ARNT: variants seen among roughly 807,000 people sequenced by gnomAD.
ARNT encodes class E basic helix-loop-helix protein 2.
ARNT carries 30 observed loss-of-function variants against 105.0 expected under a neutral mutation model. The observed-to-expected ratio is 0.29, with a 90% CI of 0.21 to 0.39. ARNT has a LOEUF of 0.39. Among genes scored for constraint, ARNT ranks in the 10% least tolerant of loss-of-function variants. The pLI, the probability that ARNT is intolerant of heterozygous loss-of-function variation, is 1.00. For missense variants in ARNT, 748 were observed against 978.7 expected, an observed-to-expected ratio of 0.76 and a Z score of 3.15; for synonymous variants, 304 against 344.0, an observed-to-expected ratio of 0.88 and a Z score of 1.29.
chr1:150,868,854 C>T (rs587712398), intron 1 of ARNT, among the ~76,000 whole-genome samples: 109 of 151,666 alleles, frequency 7.2e-4, no homozygotes, highest in African/African-American at 1.9e-3. Context: ...GCCGAGATCA[C>T]GCCACTGCAC....
chr1:150,838,200 T>C (rs1189723400), intron 6 of ARNT, among the ~76,000 whole-genome samples: 1 of 152,214 alleles, frequency 6.6e-6, no homozygotes, highest in East Asian at 1.9e-4. Flanking sequence ...ACCACTTGAC[T>C]TTCTTTGCAT....
chr1:150,837,207 A>C (rs1331654874), intron 6 of ARNT, among the ~76,000 whole-genome samples: 1 of 152,048 alleles, frequency 6.6e-6, no homozygotes, highest in African/African-American at 2.4e-5. Context: ...AGTTTTCTCA[A>C]TTCTAGATAA....
intron 1 of ARNT, among the ~76,000 whole-genome samples, chr1:150,874,403 G>C (rs1667942431): frequency 6.6e-6 from 1 of 152,204 alleles, no homozygotes; most frequent in African/African-American, 2.4e-5. Context: ...CATCAAAAAA[G>C]AAATCTGGTC....
intron 12 of ARNT, among the ~76,000 whole-genome samples, chr1:150,828,609 T>C (rs587662661): frequency 6.6e-6 from 1 of 152,302 alleles, no homozygotes; most frequent in East Asian, 1.9e-4. Flanking sequence ...TTCACCAACC[T>C]CTTTCACATA....
At chr1:150,828,129 C>T (rs587770058) in intron 12 of ARNT, among the ~76,000 whole-genome samples, 1 of 152,142 alleles carries the variant, frequency 6.6e-6, no homozygotes, top group African/African-American at 2.4e-5. Context: ...TTAAAGAGGG[C>T]AAATTTTAAT....
At chr1:150,869,458 C>T (rs963479759) in intron 1 of ARNT, among the ~76,000 whole-genome samples, 1 of 151,628 alleles carries the variant, frequency 6.6e-6, no homozygotes, top group Non-Finnish European at 1.5e-5. Context: ...GCCTGGGTGA[C>T]AGAAGGACAC....
chr1:150,848,291 A>C (rs189070523), intron 3 of ARNT, among the ~76,000 whole-genome samples: 51 of 152,250 alleles, frequency 3.3e-4, no homozygotes, highest in Admixed American at 1.1e-3. Context: ...CCTTGTCGCT[A>C]CTAAAAGTAC....
intron 11 of ARNT, chr1:150,829,486 TG>T: frequency 1.7e-6 from 1 of 588,620 alleles, no homozygotes; most frequent in Admixed American, 2.8e-5. Context: ...ATCCACATAC[TG>T]GCTATGCTGA....
At chr1:150,862,319 C>T (rs986626374) in intron 1 of ARNT, among the ~76,000 whole-genome samples, 5 of 152,030 alleles carry the variant, frequency 3.3e-5, no homozygotes, top group African/African-American at 1.2e-4. Context: ...ACTCTGATTG[C>T]CCATTACCTG....
chr1:150,828,353 T>G lies in ARNT; in HGVS notation c.1167+740A>C, dbSNP rs1188770749. Among the ~76,000 whole-genome samples, 10 of 13,368 alleles carry G rather than the reference T, an allele frequency of 7.5e-4. No homozygotes were observed. In the Non-Finnish European group the frequency reaches 8.8e-3, roughly 12 times the overall value. The allele number at this position is 13,368 out of a possible 152,430, so 8.8% of individuals were successfully genotyped here. On this transcript the variant is annotated intron_variant, in intron 12 of 21. Transcript: ENST00000358595. ...TTTTGGGTGTGGTTTTTTTTTTGTT[T>G]TTTTTTTTTTTTGCATACAGATATC...
chr1:150,847,655 C>T (rs1334695939), intron 3 of ARNT, among the ~76,000 whole-genome samples: 1 of 152,012 alleles, frequency 6.6e-6, no homozygotes, highest in Non-Finnish European at 1.5e-5. Flanking sequence ...TAGTGGTTAC[C>T]CTCATATCTT....
chr1:150,844,896 A>G (rs1321036050), intron 4 of ARNT, among the ~76,000 whole-genome samples: 3 of 148,224 alleles, frequency 2.0e-5, no homozygotes, highest in Non-Finnish European at 3.0e-5. Flanking sequence ...TGCAACCTCC[A>G]CCTCCCGGGC....
rs2101440260 is a variant in ARNT, at chr1:150,809,971, C to CA, written c.*2049dup. On this transcript the variant is annotated 3_prime_UTR_variant, in exon 22 of 22. Transcript: ENST00000358595. ...TTTCTGATTCCTGAAATTAAAGACA[C>CA]AATGTGCCTTATGTTTGTATGTCTG... 4.4e-6 allele frequency: 1 copy of CA among 225,622 alleles called. No homozygotes were observed. The highest frequency in any genetic ancestry group is 6.3e-5 in the East Asian group (1 of 15,924). 14.0% of individuals were successfully genotyped at this position (225,622 alleles called of 1,614,324 possible). A position where few individuals can be genotyped will look rare whatever the true frequency, so the allele number is the denominator to read the frequency against.
intron 1 of ARNT, among the ~76,000 whole-genome samples, chr1:150,876,047 T>A (rs897921781): frequency 6.6e-6 from 1 of 152,344 alleles, no homozygotes; most frequent in African/African-American, 2.4e-5. Context: ...TCAAAGAATG[T>A]CCATTTTTTA....
Position 150,810,440 on chromosome 1 carries a change from A to C in ARNT, c.*1581T>G, listed in dbSNP as rs978872522. The C allele has an allele frequency of 1.2e-4, 27 of 223,014 alleles. No homozygotes were observed. The highest frequency in any genetic ancestry group is 2.4e-4 in the Non-Finnish European group (27 of 111,392). The allele number at this position is 223,014 out of a possible 1,614,324, so 13.8% of individuals were successfully genotyped here. On this transcript the variant is annotated 3_prime_UTR_variant, in exon 22 of 22. Coordinates refer to ENST00000358595, the MANE Select transcript of ARNT (RefSeq NM_001668.4). ...ATACTGTAAGTGTGCACATAGAATA[A>C]AAAAATAAACTGTCTCCTTTTTTAC...
At chr1:150,875,415 G>GA (rs1402948738) in intron 1 of ARNT, among the ~76,000 whole-genome samples, 18 of 151,864 alleles carry the variant, frequency 1.2e-4, no homozygotes, top group Admixed American at 5.9e-4. Flanking sequence ...TCAGTAACAT[G>GA]AAAAAAAATC....
intron 21 of ARNT, 127 bp downstream of exon 21, chr1:150,813,045 C>T (rs1009994521): frequency 9.5e-7 from 1 of 1,049,774 alleles, no homozygotes. Context: ...ATTTATCCCT[C>T]TCTGTCTTCT....
intron 1 of ARNT, among the ~76,000 whole-genome samples, chr1:150,866,871 G>A (rs1336890351): frequency 1.3e-5 from 2 of 152,266 alleles, no homozygotes; most frequent in East Asian, 3.9e-4. Flanking sequence ...AGATTTAAAG[G>A]AAATACTGGT....
intron 12 of ARNT, among the ~76,000 whole-genome samples, chr1:150,826,893 C>T (rs35831938): frequency 0.06 from 9,097 of 151,864 alleles, 942 homozygotes; most frequent in African/African-American, 0.21. Context: ...GTGATCCACC[C>T]GCCTCGGCCT....
Sources: allele counts gnomAD v4.1 joint callset (sites outside exome capture counted in the v4.1 genomes callset), GRCh38; gene constraint gnomAD v4.1.1; transcripts MANE v1.5; gene names NCBI Gene and HGNC (gene_info 2026-07-23, HGNC 2026-07-21).